The following ENTREP2 variants were observed in gnomAD, a reference collection of about 807,000 sequenced individuals.
ENTREP2 encodes the protein protein ENTREP2.
the ENTREP2 span, among the ~76,000 whole-genome samples, chr15:29,447,193 G>A: frequency 6.6e-6 from 1 of 151,978 alleles, no homozygotes; most frequent in East Asian, 1.9e-4. Flanking sequence ...ATTAAAAATT[G>A]GGACTGTAAT....
At chr15:29,300,445 T>G in the ENTREP2 span, among the ~76,000 whole-genome samples, 2 of 143,810 alleles carry the variant, frequency 1.4e-5, no homozygotes, top group African/African-American at 5.8e-5. Flanking sequence ...GTGGATGGGA[T>G]GGATGGATGT....
chr15:29,200,063 A>G, the ENTREP2 span, among the ~76,000 whole-genome samples: 1 of 152,198 alleles, frequency 6.6e-6, no homozygotes, highest in Non-Finnish European at 1.5e-5. Context: ...TCTTTGTTCC[A>G]TTGATCTATC....
chr15:29,140,422 C>T, the ENTREP2 span, among the ~76,000 whole-genome samples: 2 of 152,278 alleles, frequency 1.3e-5, no homozygotes, highest in East Asian at 1.9e-4. Context: ...GTAATTTGGT[C>T]GCCATCCTGC....
the ENTREP2 span, among the ~76,000 whole-genome samples, chr15:29,326,824 T>C: frequency 2.6e-5 from 4 of 151,998 alleles, no homozygotes; most frequent in African/African-American, 9.7e-5. Context: ...ACAATAAAAA[T>C]AGTATAAACA....
the ENTREP2 span, among the ~76,000 whole-genome samples, chr15:29,287,052 C>T: frequency 6.6e-6 from 1 of 152,196 alleles, no homozygotes; most frequent in African/African-American, 2.4e-5. Flanking sequence ...CCAGCCCATT[C>T]ACCAGATGGG....
At chr15:29,629,609 T>G in the ENTREP2 span, among the ~76,000 whole-genome samples, 450 of 152,316 alleles carry the variant, frequency 3.0e-3, 2 homozygotes, top group Middle Eastern at 0.017. Context: ...TTAAATATCG[T>G]TTTAAGTACT....
At chr15:29,547,083 T>C in the ENTREP2 span, among the ~76,000 whole-genome samples, 1 of 136,358 alleles carries the variant, frequency 7.3e-6, no homozygotes, top group Non-Finnish European at 1.6e-5. Context: ...AACTACATAT[T>C]GACTCAATTT....
chr15:29,177,527 A>G, the ENTREP2 span, among the ~76,000 whole-genome samples: 1 of 152,096 alleles, frequency 6.6e-6, no homozygotes, highest in Admixed American at 6.6e-5. Context: ...TCCTTCCTCC[A>G]GTGCACACAG....
the ENTREP2 span, among the ~76,000 whole-genome samples, chr15:29,359,515 C>A: frequency 6.6e-6 from 1 of 152,252 alleles, no homozygotes; most frequent in African/African-American, 2.4e-5. Context: ...CGGGTTCAAG[C>A]AATTCTCCTG....
the ENTREP2 span, among the ~76,000 whole-genome samples, chr15:29,603,043 C>T: frequency 3.0e-4 from 46 of 152,124 alleles, no homozygotes; most frequent in African/African-American, 1.2e-4. Context: ...GGCCCAATGA[C>T]GAAAGGGGAA....
chr15:29,593,234 C>T, the ENTREP2 span, among the ~76,000 whole-genome samples: 1 of 152,150 alleles, frequency 6.6e-6, no homozygotes, highest in Non-Finnish European at 1.5e-5. Flanking sequence ...TGCCGTTTAG[C>T]TATAACGTAC....
the ENTREP2 span, among the ~76,000 whole-genome samples, chr15:29,170,601 T>A: frequency 6.9e-6 from 1 of 144,762 alleles, no homozygotes; most frequent in African/African-American, 2.6e-5. Context: ...TGTGTGTGAG[T>A]GTGTGTGTGT....
At chr15:29,258,084 G>A in the ENTREP2 span, among the ~76,000 whole-genome samples, 2 of 151,986 alleles carry the variant, frequency 1.3e-5, no homozygotes, top group Non-Finnish European at 2.9e-5. Flanking sequence ...GTGCTGGCAC[G>A]CGCCTGTAAT....
At chr15:29,348,076 C>T in the ENTREP2 span, among the ~76,000 whole-genome samples, 2 of 152,162 alleles carry the variant, frequency 1.3e-5, no homozygotes, top group Non-Finnish European at 2.9e-5. Flanking sequence ...GAGGGGAAAT[C>T]TATAAGGAAT....
the ENTREP2 span, among the ~76,000 whole-genome samples, chr15:29,529,984 C>T: frequency 6.6e-6 from 1 of 152,128 alleles, no homozygotes. Context: ...TGCATGGATT[C>T]TTCACCACAC....
the ENTREP2 span, among the ~76,000 whole-genome samples, chr15:29,335,086 G>T: frequency 6.6e-5 from 10 of 152,150 alleles, no homozygotes; most frequent in Admixed American, 6.5e-4. Flanking sequence ...CATCAGTGAG[G>T]GTTCTAGTCA....
chr15:29,439,258 A>T, the ENTREP2 span, among the ~76,000 whole-genome samples: 1 of 149,398 alleles, frequency 6.7e-6, no homozygotes, highest in Non-Finnish European at 1.5e-5. Context: ...AACCAGGAGC[A>T]TCTTATAGTG....
chr15:29,584,187 G>A, the ENTREP2 span, among the ~76,000 whole-genome samples: 1 of 106,746 alleles, frequency 9.4e-6, no homozygotes, highest in Non-Finnish European at 2.6e-5. Flanking sequence ...TACAAATACA[G>A]TAAACATGTA....
At chr15:29,350,726 T>C in the ENTREP2 span, among the ~76,000 whole-genome samples, 2 of 152,150 alleles carry the variant, frequency 1.3e-5, no homozygotes, top group Non-Finnish European at 2.9e-5. Flanking sequence ...GTGGATTACC[T>C]GAGGTCAGGA....
Sources: allele counts gnomAD v4.1 joint callset (sites outside exome capture counted in the v4.1 genomes callset), GRCh38; gene constraint gnomAD v4.1.1; transcripts MANE v1.5; gene names NCBI Gene and HGNC (gene_info 2026-07-23, HGNC 2026-07-21).